The following ARFGEF2 variants were observed in gnomAD, a reference collection of about 807,000 sequenced individuals.
ARFGEF2 encodes ARF guanine nucleotide exchange factor 2, also known as brefeldin A-inhibited guanine nucleotide-exchange protein 2.
Under a neutral mutation model 219.9 loss-of-function variants are expected in ARFGEF2, and 74 were observed. The observed-to-expected ratio is 0.34, with a 90% confidence interval of 0.28 to 0.41. The LOEUF is 0.41. Ranked by LOEUF, ARFGEF2 falls within the 10% of genes least tolerant of loss-of-function variation. ARFGEF2 has a pLI of 1.00. For synonymous variants in ARFGEF2, 733 were observed against 799.2 expected, an observed-to-expected ratio of 0.92 and a Z score of 1.40; for missense variants, 1,743 against 2,218.3, an observed-to-expected ratio of 0.79 and a Z score of 4.30.
chr20:48,988,813 C>G (rs1221463316), intron 18 of ARFGEF2, 151 bp downstream of exon 18: 27 of 783,012 alleles, frequency 3.4e-5, no homozygotes, highest in Non-Finnish European at 5.3e-5. Context: ...TATGTTGGGA[C>G]TTTTATAATG....
intron 35 of ARFGEF2, among the ~76,000 whole-genome samples, chr20:49,023,523 G>GT (rs11289917): frequency 0.026 from 2,558 of 96,848 alleles, 67 homozygotes; most frequent in African/African-American, 0.11. Context: ...TTTTTTTCTG[G>GT]TTTTTTTTTT....
chr20:48,946,785 C>G (rs932677683), intron 3 of ARFGEF2, among the ~76,000 whole-genome samples: 21 of 151,714 alleles, frequency 1.4e-4, no homozygotes, highest in African/African-American at 4.9e-4. Flanking sequence ...CAGGCGTGAG[C>G]CACTGTGCCC....
chr20:48,981,654 A>C (rs2091296678), intron 14 of ARFGEF2, among the ~76,000 whole-genome samples: 1 of 152,092 alleles, frequency 6.6e-6, no homozygotes, highest in Admixed American at 6.5e-5. Context: ...ACATAGTCCC[A>C]TATTTCTTGG....
chr20:48,936,321 G>A (rs1261937311), intron 1 of ARFGEF2, among the ~76,000 whole-genome samples: 4 of 149,716 alleles, frequency 2.7e-5, no homozygotes, highest in East Asian at 2.0e-4. Flanking sequence ...CCTCCCTCCC[G>A]GACGGGGCGG....
chr20:48,995,345 A>G (rs1430464907), intron 22 of ARFGEF2, among the ~76,000 whole-genome samples: 1 of 152,030 alleles, frequency 6.6e-6, no homozygotes, highest in Non-Finnish European at 1.5e-5. Flanking sequence ...AAAAGTATGG[A>G]CTCTGGAAAA....
rs1298071814 is a variant in ARFGEF2, at chr20:48,988,352, AATT to A, written c.2331_2333del (p.Ile777del). The A allele has an allele frequency of 6.2e-7, 1 of 1,613,636 alleles. No individual in the cohort carries two copies. The highest frequency in any genetic ancestry group is 8.5e-7 in the Non-Finnish European group (1 of 1,180,022). Reference sequence around the variant, plus strand: ...ACACTGCTTATGTCCTAGCGTATTCAATTATTATGCTGACTACAGACTTGCACA... The same window carrying A: ...ACACTGCTTATGTCCTAGCGTATTCAATTATGCTGACTACAGACTTGCACA... On this transcript the variant is annotated inframe_deletion, in exon 17 of 39. Coordinates refer to ENST00000371917, the MANE Select transcript of ARFGEF2 (RefSeq NM_006420.3).
At chr20:48,942,100 C>A in intron 3 of ARFGEF2, 113 bp downstream of exon 3, 2 of 1,336,200 alleles carry the variant, frequency 1.5e-6, no homozygotes, top group South Asian at 1.2e-5. Flanking sequence ...AGAGGCGATG[C>A]AGAAAGGAGC....
chr20:48,964,184 G>A (rs112758720), intron 7 of ARFGEF2, among the ~76,000 whole-genome samples: 14 of 152,288 alleles, frequency 9.2e-5, no homozygotes, highest in African/African-American at 2.9e-4. Context: ...CAAGGCGGGC[G>A]GTTCACGAGG....
At chr20:48,965,338 A>C (rs1458793349) in intron 7 of ARFGEF2, among the ~76,000 whole-genome samples, 3 of 152,094 alleles carry the variant, frequency 2.0e-5, no homozygotes, top group South Asian at 4.1e-4. Context: ...TTTTTCTTAG[A>C]GTTTCATTGC....
chr20:49,004,236 C>T (rs1294379844), intron 25 of ARFGEF2, among the ~76,000 whole-genome samples: 1 of 151,646 alleles, frequency 6.6e-6, no homozygotes, highest in Admixed American at 6.6e-5. Flanking sequence ...GGGTGGCAGG[C>T]GCCTGTAATC....
Position 49,014,110 on chromosome 20 carries a change from A to G in ARFGEF2, c.4179+150A>G, listed in dbSNP as rs527354085. Reference sequence around the variant, plus strand: ...TTAAAAATGGAAACACCTTTCTGATACTCTCCTACCAGTATCAGCTAGTCC... The same window carrying G: ...TTAAAAATGGAAACACCTTTCTGATGCTCTCCTACCAGTATCAGCTAGTCC... On this transcript the variant is annotated intron_variant, in intron 30 of 38. Coordinates refer to ENST00000371917, the MANE Select transcript of ARFGEF2 (RefSeq NM_006420.3). The G allele has an allele frequency of 5.1e-6, 5 of 988,042 alleles. No individual in the cohort carries two copies. In the Admixed American group the frequency reaches 5.6e-5, roughly 11 times the overall value. 61.2% of individuals were successfully genotyped at this position (988,042 alleles called of 1,614,324 possible). A position where few individuals can be genotyped will look rare whatever the true frequency, so the allele number is the denominator to read the frequency against.
intron 26 of ARFGEF2, among the ~76,000 whole-genome samples, chr20:49,007,770 A>C (rs2091471836): frequency 6.6e-6 from 1 of 152,032 alleles, no homozygotes; most frequent in Non-Finnish European, 1.5e-5. Context: ...AATTAAACCC[A>C]GAGTCTGGCA....
chr20:48,970,968 C>T (rs2091223527), intron 9 of ARFGEF2, 152 bp from the exon 10 acceptor site: 2 of 715,608 alleles, frequency 2.8e-6, no homozygotes, highest in South Asian at 1.6e-5. Flanking sequence ...AAGGACCCAA[C>T]TCATGCCATC....
intron 3 of ARFGEF2, among the ~76,000 whole-genome samples, chr20:48,945,631 G>A (rs2091021058): frequency 6.6e-6 from 1 of 152,150 alleles, no homozygotes; most frequent in African/African-American, 2.4e-5. Flanking sequence ...TGAGGCAGGA[G>A]GATCACTTGA....
intron 37 of ARFGEF2, among the ~76,000 whole-genome samples, chr20:49,029,199 C>G (rs1259053272): frequency 1.3e-5 from 2 of 152,234 alleles, no homozygotes; most frequent in South Asian, 4.1e-4. Flanking sequence ...GTCTTTGTCA[C>G]TCAGCTTCCT....
rs577296136 is a variant in ARFGEF2, at chr20:48,944,763, G to T, written c.276+2776G>T. 1.0e-3 allele frequency among the ~76,000 whole-genome samples: 153 copies of T among 152,262 alleles called. 1 individual carries two copies. The highest frequency in any genetic ancestry group is 3.6e-3 in the African/African-American group (148 of 41,542). On this transcript the variant is annotated intron_variant, in intron 3 of 38. Coordinates refer to ENST00000371917, the MANE Select transcript of ARFGEF2 (RefSeq NM_006420.3). ...TTACAAACATGAGCCACTGCACCCAGTGGGTTTCTAGGACTTCTTGACTCT... is the reference window on the plus strand; with the variant it reads ...TTACAAACATGAGCCACTGCACCCATTGGGTTTCTAGGACTTCTTGACTCT...
chr20:48,946,069 C>CT (rs2091024689), intron 3 of ARFGEF2, among the ~76,000 whole-genome samples: 1 of 152,196 alleles, frequency 6.6e-6, no homozygotes, highest in African/African-American at 2.4e-5. Flanking sequence ...CTTGCCAAGC[C>CT]TGTTTGACTG....
intron 27 of ARFGEF2, among the ~76,000 whole-genome samples, chr20:49,010,826 C>G (rs1219047523): frequency 6.6e-6 from 1 of 152,220 alleles, no homozygotes; most frequent in African/African-American, 2.4e-5. Context: ...CTTTTGTGGT[C>G]ATTTGCCAAC....
intron 6 of ARFGEF2, among the ~76,000 whole-genome samples, chr20:48,958,732 G>A (rs762616417): frequency 2.0e-5 from 3 of 152,060 alleles, no homozygotes; most frequent in Non-Finnish European, 2.9e-5. Context: ...GTGAGCCACC[G>A]TGCCCAGCCT....
Sources: allele counts gnomAD v4.1 joint callset (sites outside exome capture counted in the v4.1 genomes callset), GRCh38; gene constraint gnomAD v4.1.1; transcripts MANE v1.5; gene names NCBI Gene and HGNC (gene_info 2026-07-23, HGNC 2026-07-21).